The following RASAL2 variants were observed in gnomAD, a reference collection of about 807,000 sequenced individuals.
The protein encoded by RASAL2 is RAS protein activator like 2.
RASAL2 carries 58 observed loss-of-function variants against 128.9 expected under a neutral mutation model. That is an observed-to-expected ratio of 0.45 (90% confidence interval 0.36 to 0.56). RASAL2 has a LOEUF of 0.56. RASAL2 is among the 20% of genes least tolerant of loss of function. The pLI is 0.00. For missense variants in RASAL2, 1,360 were observed against 1,601.6 expected (o/e 0.85, Z 2.57); for synonymous variants, 561 against 580.8 (o/e 0.97, Z 0.49).
At chr1:178,371,523 T>C (rs1464664583) in intron 3 of RASAL2, among the ~76,000 whole-genome samples, 1 of 152,072 alleles carries the variant, frequency 6.6e-6, no homozygotes, top group African/African-American at 2.4e-5. Context: ...GATTCCATTA[T>C]TGTCGATCAG....
chr1:178,101,374 C>T (rs1004222777), intron 1 of RASAL2, among the ~76,000 whole-genome samples: 27 of 152,160 alleles, frequency 1.8e-4, no homozygotes, highest in Admixed American at 1.2e-3. Context: ...TGGCTTTGCT[C>T]ATAAGGGTTC....
At chr1:178,399,225 C>T (rs1164963923) in intron 4 of RASAL2, among the ~76,000 whole-genome samples, 1 of 152,162 alleles carries the variant, frequency 6.6e-6, no homozygotes, top group Non-Finnish European at 1.5e-5. Flanking sequence ...CTGGCAGGGG[C>T]CTTTGCACAA....
intron 1 of RASAL2, among the ~76,000 whole-genome samples, chr1:178,229,760 T>A (rs1163044824): frequency 6.6e-6 from 1 of 152,204 alleles, no homozygotes; most frequent in Admixed American, 6.5e-5. Flanking sequence ...TAACACTGAT[T>A]AAGCAAATCT....
At chr1:178,320,285 GGGCA>G (rs1668696322) in intron 3 of RASAL2, among the ~76,000 whole-genome samples, 1 of 151,938 alleles carries the variant, frequency 6.6e-6, no homozygotes, top group African/African-American at 2.4e-5. Context: ...GAGCCTACAG[GGGCA>G]GGCAGGCCTC....
intron 3 of RASAL2, among the ~76,000 whole-genome samples, chr1:178,358,011 G>A (rs567400651): frequency 4.6e-5 from 7 of 151,824 alleles, no homozygotes; most frequent in Admixed American, 1.3e-4. Context: ...TAAGGAAGGC[G>A]GATCACTGGA....
chr1:178,321,792 C>G (rs1424867404), intron 3 of RASAL2, among the ~76,000 whole-genome samples: 1 of 151,614 alleles, frequency 6.6e-6, no homozygotes, highest in East Asian at 2.0e-4. Context: ...AGTTTGAGAC[C>G]AGCCTGACCA....
At chr1:178,194,306 G>A (rs77897000) in intron 1 of RASAL2, 13,929 of 222,508 alleles carry the variant, frequency 0.063, 538 homozygotes, top group Non-Finnish European at 0.076. Flanking sequence ...GTATTTTACA[G>A]CATTTACTAC....
chr1:178,451,170 A>G (rs1677350393), intron 9 of RASAL2, among the ~76,000 whole-genome samples: 2 of 152,192 alleles, frequency 1.3e-5, no homozygotes, highest in African/African-American at 2.4e-5. Context: ...TCACTGGACT[A>G]TTCAATCAAG....
intron 3 of RASAL2, chr1:178,341,341 T>A: frequency 1.0e-6 from 1 of 996,908 alleles, no homozygotes; most frequent in Non-Finnish European, 1.3e-6. Flanking sequence ...GCCCAGTGAG[T>A]GAGTAAGGAA....
chr1:178,369,283 G>A lies in RASAL2; in HGVS notation c.458-20817G>A, dbSNP rs936951664. ...TGCACCCAGGCTGGAGTGCAGTGGC[G>A]CGATCTCGGCTTACTGCAACCTCTG... On this transcript the variant is annotated intron_variant, in intron 3 of 17. Transcript: ENST00000367649. Among the ~76,000 whole-genome samples, 10 of 151,932 alleles carry A rather than the reference G, an allele frequency of 6.6e-5. No homozygotes were observed. The East Asian group carries it at 7.8e-4, about 12-fold the overall frequency.
At chr1:178,189,839 C>T (rs1022014516) in intron 1 of RASAL2, among the ~76,000 whole-genome samples, 2 of 152,066 alleles carry the variant, frequency 1.3e-5, no homozygotes, top group South Asian at 2.1e-4. Flanking sequence ...CAGCAGTCCA[C>T]GAATGTAATT....
intron 1 of RASAL2, among the ~76,000 whole-genome samples, chr1:178,108,346 C>T (rs1264586324): frequency 6.6e-6 from 1 of 152,106 alleles, no homozygotes; most frequent in Non-Finnish European, 1.5e-5. Context: ...AATTATTCTA[C>T]ATATTAATCT....
At chr1:178,284,052 T>C (rs917879577) in intron 2 of RASAL2, among the ~76,000 whole-genome samples, 2 of 152,170 alleles carry the variant, frequency 1.3e-5, no homozygotes, top group African/African-American at 4.8e-5. Context: ...ATTGGATTAA[T>C]TGAAAGAGGT....
At chr1:178,336,961 T>A (rs1669616668) in intron 3 of RASAL2, among the ~76,000 whole-genome samples, 1 of 151,568 alleles carries the variant, frequency 6.6e-6, no homozygotes, top group African/African-American at 2.4e-5. Context: ...ATTATTATTA[T>A]TTTTTTGAAC....
At chr1:178,470,902 TC>T (rs1648199984) in intron 17 of RASAL2, among the ~76,000 whole-genome samples, 1 of 152,220 alleles carries the variant, frequency 6.6e-6, no homozygotes, top group African/African-American at 2.4e-5. Context: ...GCATCTTTTG[TC>T]AACTGAACTT....
At chr1:178,264,535 G>T (rs1665855084) in intron 1 of RASAL2, among the ~76,000 whole-genome samples, 1 of 152,098 alleles carries the variant, frequency 6.6e-6, no homozygotes, top group Non-Finnish European at 1.5e-5. Context: ...GTGGCTCTCA[G>T]AACTCAGGGA....
Position 178,207,395 on chromosome 1 carries a change from C to T in RASAL2, c.203-76169C>T, listed in dbSNP as rs183528580. Among the ~76,000 whole-genome samples the T allele has an allele frequency of 7.2e-5, 11 of 151,964 alleles. No individual in the cohort carries two copies. In the East Asian group the frequency reaches 1.4e-3, roughly 19 times the overall value. On this transcript the variant is annotated intron_variant, in intron 1 of 17. Coordinates refer to ENST00000367649, the MANE Select transcript of RASAL2 (RefSeq NM_170692.4). ...ATAAAAATAACACAAATACAAAATACGGTATAAGAACTATTGATGTAACAT... is the reference window on the plus strand; with the variant it reads ...ATAAAAATAACACAAATACAAAATATGGTATAAGAACTATTGATGTAACAT...
intron 3 of RASAL2, among the ~76,000 whole-genome samples, chr1:178,357,743 A>G (rs1670886173): frequency 6.6e-6 from 1 of 152,176 alleles, no homozygotes; most frequent in East Asian, 1.9e-4. Flanking sequence ...TTAACTTTAT[A>G]TAAAGAGCAT....
At chr1:178,241,797 C>A (rs1558135270) in intron 1 of RASAL2, among the ~76,000 whole-genome samples, 1 of 152,150 alleles carries the variant, frequency 6.6e-6, no homozygotes, top group Non-Finnish European at 1.5e-5. Flanking sequence ...CAGATTAATT[C>A]TCCCCCTTCC....
Sources: gnomAD v4.1 joint callset for allele counts (sites outside exome capture counted in the v4.1 genomes callset) on GRCh38, gnomAD v4.1.1 for gene constraint, MANE v1.5 for transcripts, NCBI Gene and HGNC (gene_info 2026-07-23, HGNC 2026-07-21) for gene names.